RNF130: variants seen among roughly 807,000 people sequenced by gnomAD.
RNF130 encodes E3 ubiquitin-protein ligase RNF130.
In RNF130, 21 loss-of-function variants were observed where a neutral mutation model predicts 44.6. That is an observed-to-expected ratio of 0.47 (90% CI 0.33 to 0.68). RNF130 has a LOEUF of 0.68. Ranked by LOEUF, RNF130 falls within the 30% of genes least tolerant of loss-of-function variation. The pLI, the probability that RNF130 is intolerant of heterozygous loss-of-function variation, is 0.02. For synonymous variants in RNF130, 214 were observed against 210.4 expected, an observed-to-expected ratio of 1.02 and a Z score of -0.15; for missense variants, 479 against 560.6, an observed-to-expected ratio of 0.85 and a Z score of 1.47.
chr5:179,978,380 G>A, intron 4 of RNF130, 95 bp from the exon 5 acceptor site: 2 of 827,630 alleles, frequency 2.4e-6, no homozygotes, highest in South Asian at 2.9e-5. Context: ...TGGCTACTAT[G>A]GTAAGCAAGT....
At chr5:180,004,377 G>A (rs1162819401) in intron 3 of RNF130, among the ~76,000 whole-genome samples, 1 of 152,134 alleles carries the variant, frequency 6.6e-6, no homozygotes, top group Non-Finnish European at 1.5e-5. Flanking sequence ...CAAAACCACA[G>A]AAAGGCATCA....
chr5:180,055,270 AAAAAAAAAAAC>A (rs1302197907), intron 1 of RNF130, among the ~76,000 whole-genome samples: 242 of 18,334 alleles, frequency 0.013, 28 homozygotes, highest in African/African-American at 0.036. Flanking sequence ...AAAAAAAAAA[AAAAAAAAAAAC>A]AAAAAAAAAC....
At chr5:180,014,256 G>C (rs551836749) in intron 2 of RNF130, among the ~76,000 whole-genome samples, 48 of 152,270 alleles carry the variant, frequency 3.2e-4, no homozygotes, top group African/African-American at 1.1e-3. Context: ...TGGACAGCAG[G>C]AAACTGCTAT....
chr5:179,967,650 G>A (rs760014407), intron 6 of RNF130, among the ~76,000 whole-genome samples: 22 of 152,248 alleles, frequency 1.4e-4, no homozygotes, highest in Non-Finnish European at 2.6e-4. Flanking sequence ...TTGTAACAAT[G>A]TGGCTATTTG....
chr5:179,928,670 C>T (rs1353683787), intron 7 of RNF130, among the ~76,000 whole-genome samples: 1 of 151,658 alleles, frequency 6.6e-6, no homozygotes, highest in African/African-American at 2.4e-5. Context: ...GCTCTATCAC[C>T]CAGGCTGGAG....
downstream of RNF130, among the ~76,000 whole-genome samples, chr5:179,953,037 G>T (rs1762150476): frequency 6.6e-6 from 1 of 152,092 alleles, no homozygotes. Context: ...ATCCAGATTG[G>T]AAAGGAAGAA....
rs552774144 is a variant in RNF130, at chr5:180,019,005, T to C, written c.443-5694A>G. Among the ~76,000 whole-genome samples, 126 of 152,364 alleles carry C rather than the reference T, an allele frequency of 8.3e-4. 2 individuals carry two copies. Among genetic ancestry groups the C allele is most frequent in the Admixed American group, 4.2e-3 (65 of 15,308 alleles). On this transcript the variant is annotated intron_variant, in intron 2 of 8. Transcript: ENST00000521389. ...GGCTTTACCATAAGCATTTTTACTA[T>C]TGGTTACTCACAGTGGCATTAGTTA...
chr5:179,973,512 C>G (rs1194858632), intron 5 of RNF130, among the ~76,000 whole-genome samples: 1 of 152,252 alleles, frequency 6.6e-6, no homozygotes, highest in East Asian at 1.9e-4. Flanking sequence ...GGCGTTTAAT[C>G]TACCTTGGGA....
chr5:179,937,984 G>C (rs1326255525), intron 7 of RNF130, among the ~76,000 whole-genome samples: 2 of 150,978 alleles, frequency 1.3e-5, no homozygotes, highest in East Asian at 3.9e-4. Context: ...GAGACAGACA[G>C]GGTCTCACTC....
At chr5:180,031,297 G>A (rs770516924) in intron 2 of RNF130, among the ~76,000 whole-genome samples, 2 of 152,138 alleles carry the variant, frequency 1.3e-5, no homozygotes, top group Non-Finnish European at 2.9e-5. Context: ...GACCAGCCCG[G>A]CCAGTATGGC....
intron 3 of RNF130, among the ~76,000 whole-genome samples, chr5:179,992,230 C>A (rs1159324433): frequency 6.6e-6 from 1 of 152,194 alleles, no homozygotes; most frequent in Non-Finnish European, 1.5e-5. Flanking sequence ...TAAACTCTGC[C>A]TCCCGAGTTC....
At chr5:179,923,930 A>G (rs1761669734) in intron 7 of RNF130, among the ~76,000 whole-genome samples, 1 of 152,238 alleles carries the variant, frequency 6.6e-6, no homozygotes, top group African/African-American at 2.4e-5. Context: ...TTGCGCATAT[A>G]ATCTCAGCAG....
At chr5:180,008,532 CAT>C (rs1421652500) in intron 3 of RNF130, among the ~76,000 whole-genome samples, 5 of 152,182 alleles carry the variant, frequency 3.3e-5, no homozygotes, top group East Asian at 1.9e-4. Context: ...GAACTGAAAT[CAT>C]AGAGTATTTC....
At chr5:180,047,790 T>A (rs1292913579) in intron 1 of RNF130, among the ~76,000 whole-genome samples, 1 of 152,184 alleles carries the variant, frequency 6.6e-6, no homozygotes, top group Non-Finnish European at 1.5e-5. Context: ...TTCTCCAAAC[T>A]GGCCTGCCCC....
intron 1 of RNF130, among the ~76,000 whole-genome samples, chr5:180,065,798 A>C (rs1268216874): frequency 7.8e-6 from 1 of 128,800 alleles, no homozygotes; most frequent in Non-Finnish European, 1.8e-5. Flanking sequence ...AGAGTTCACA[A>C]ACACAGAAAA....
intron 3 of RNF130, among the ~76,000 whole-genome samples, chr5:179,995,036 A>T (rs1413432740): frequency 6.6e-6 from 1 of 152,180 alleles, no homozygotes. Context: ...TTGGTCCCCC[A>T]GTAGCAGGCA....
intron 1 of RNF130, among the ~76,000 whole-genome samples, chr5:180,048,853 G>C (rs1295910117): frequency 6.6e-6 from 1 of 152,144 alleles, no homozygotes; most frequent in Non-Finnish European, 1.5e-5. Flanking sequence ...TATTCAGTGG[G>C]AGACAGAAAA....
intron 3 of RNF130, among the ~76,000 whole-genome samples, chr5:180,003,920 G>T (rs192343334): frequency 6.6e-6 from 1 of 152,264 alleles, no homozygotes; most frequent in African/African-American, 2.4e-5. Flanking sequence ...ACTAACTAAG[G>T]TTTATTCGGT....
At chr5:180,018,248 C>G (rs6601078) in intron 2 of RNF130, among the ~76,000 whole-genome samples, 1 of 150,196 alleles carries the variant, frequency 6.7e-6, no homozygotes, top group Non-Finnish European at 1.5e-5. Flanking sequence ...TGAGCCGAGA[C>G]TGTGCCACTG....
Sources: gnomAD v4.1 joint callset for allele counts (sites outside exome capture counted in the v4.1 genomes callset) on GRCh38, gnomAD v4.1.1 for gene constraint, MANE v1.5 for transcripts, NCBI Gene and HGNC (gene_info 2026-07-23, HGNC 2026-07-21) for gene names.